The following MYO3A variants were observed in gnomAD, a reference collection of about 807,000 sequenced individuals.
MYO3A encodes the protein myosin-IIIa.
Under a neutral mutation model 192.7 loss-of-function variants are expected in MYO3A, and 180 were observed. That is an observed-to-expected ratio of 0.93 (90% CI 0.83 to 1.06). The LOEUF (loss-of-function observed/expected upper bound fraction) is 1.06, where lower values mean the gene tolerates loss of function less well. MYO3A is among the 50% of genes least tolerant of loss of function. MYO3A has a pLI of 0.00. For synonymous variants in MYO3A, 628 were observed against 645.3 expected (o/e 0.97, Z 0.41); for missense variants, 1,896 against 1,905.0 (o/e 1.00, Z 0.09).
chr10:26,075,918 T>A (rs1164968206), intron 14 of MYO3A, among the ~76,000 whole-genome samples: 3 of 151,628 alleles, frequency 2.0e-5, no homozygotes, highest in Admixed American at 2.0e-4. Context: ...TTGGGTTGGT[T>A]CCATGATTTT....
intron 10 of MYO3A, among the ~76,000 whole-genome samples, chr10:26,042,213 A>AT (rs1270513902): frequency 6.6e-6 from 1 of 152,042 alleles, no homozygotes; most frequent in African/African-American, 2.4e-5. Context: ...CTTTTATGTA[A>AT]TTTACTTCTT....
At chr10:26,049,052 A>G (rs935092900) in intron 10 of MYO3A, among the ~76,000 whole-genome samples, 10 of 152,214 alleles carry the variant, frequency 6.6e-5, no homozygotes, top group African/African-American at 2.4e-4. Flanking sequence ...TTTTGGAGAG[A>G]ATAGTCAACT....
intron 17 of MYO3A, among the ~76,000 whole-genome samples, chr10:26,102,414 T>C (rs1837514886): frequency 6.6e-6 from 1 of 152,220 alleles, no homozygotes; most frequent in Admixed American, 6.5e-5. Context: ...TCAAAGTGAT[T>C]CTCCGTCCAG....
chr10:25,991,018 G>A (rs1839994127), intron 4 of MYO3A, among the ~76,000 whole-genome samples: 2 of 152,148 alleles, frequency 1.3e-5, no homozygotes, highest in African/African-American at 2.4e-5. Context: ...AATCCTTTGT[G>A]TATATACCCA....
chr10:26,182,829 A>AT (rs1482995806), intron 31 of MYO3A, among the ~76,000 whole-genome samples: 4 of 152,220 alleles, frequency 2.6e-5, no homozygotes, highest in African/African-American at 9.6e-5. Context: ...AGTGTTCCGC[A>AT]TAACAGCTCA....
chr10:26,041,674 A>G (rs183748012), intron 10 of MYO3A, among the ~76,000 whole-genome samples: 91 of 148,498 alleles, frequency 6.1e-4, no homozygotes, highest in Admixed American at 3.0e-3. Flanking sequence ...CAACTTAACA[A>G]TGTTTGCATA....
chr10:26,188,774 G>A (rs1321808761), intron 31 of MYO3A, among the ~76,000 whole-genome samples: 1 of 152,102 alleles, frequency 6.6e-6, no homozygotes, highest in Admixed American at 6.6e-5. Context: ...TTTTTGTCAG[G>A]TTTGTCAAAG....
At chr10:25,947,396 T>C (rs866095593) in intron 2 of MYO3A, among the ~76,000 whole-genome samples, 10 of 145,276 alleles carry the variant, frequency 6.9e-5, no homozygotes, top group South Asian at 2.2e-4. Flanking sequence ...TTTCTTTTTT[T>C]TTTTTTTTTT....
At chr10:26,000,263 G>A (rs1242133155) in intron 6 of MYO3A, among the ~76,000 whole-genome samples, 3 of 152,102 alleles carry the variant, frequency 2.0e-5, no homozygotes, top group African/African-American at 7.2e-5. Flanking sequence ...TACCTTAAAT[G>A]TGCCATAATC....
intron 18 of MYO3A, among the ~76,000 whole-genome samples, chr10:26,123,278 G>A (rs1838987891): frequency 6.6e-6 from 1 of 152,036 alleles, no homozygotes; most frequent in Non-Finnish European, 1.5e-5. Flanking sequence ...TAAAATTGCA[G>A]TACAAATGAA....
intron 26 of MYO3A, among the ~76,000 whole-genome samples, chr10:26,160,577 C>T (rs1294758609): frequency 1.3e-5 from 2 of 151,750 alleles, no homozygotes; most frequent in Non-Finnish European, 2.9e-5. Flanking sequence ...CCCAGGAGTT[C>T]AAGGTTACAG....
chr10:25,945,364 G>A (rs368449181), intron 2 of MYO3A, among the ~76,000 whole-genome samples: 7 of 152,196 alleles, frequency 4.6e-5, no homozygotes, highest in African/African-American at 1.4e-4. Context: ...GCAGCATTCT[G>A]TATATGTCTG....
At chr10:26,007,827 A>G (rs1011998251) in intron 6 of MYO3A, among the ~76,000 whole-genome samples, 1 of 151,766 alleles carries the variant, frequency 6.6e-6, no homozygotes, top group African/African-American at 2.4e-5. Flanking sequence ...TTATAGATTC[A>G]TTGCCATCCC....
Position 26,021,528 on chromosome 10 carries a change from A to T in MYO3A, c.611A>T (p.Asp204Val), listed in dbSNP as rs1842302777. The change falls in exon 8 of 35, where the codon GAT (aspartate) becomes GTT (valine). Residue 204 changes from aspartate (D) to valine (V), a missense_variant. Coordinates refer to ENST00000642920, the MANE Select transcript of MYO3A (RefSeq NM_017433.5). ...PEVIACEQQL[D>V]TTYDARCDTW... ...GTGATTGCATGTGAACAGCAATTGG[A>T]TACCACTTATGACGCCAGATGTGAC... 6.2e-7 allele frequency: 1 copy of T among 1,614,022 alleles called. No homozygotes were observed. Among genetic ancestry groups the T allele is most frequent in the Admixed American group, 1.7e-5 (1 of 60,008 alleles).
At position 25,954,945 on chromosome 10, in the gene MYO3A, A is replaced by G; in HGVS notation, c.240A>G (p.Arg80=). 6.2e-7 allele frequency: 1 copy of G among 1,612,816 alleles called. No individual in the cohort carries two copies. Among genetic ancestry groups the G allele is most frequent in the Non-Finnish European group, 8.5e-7 (1 of 1,179,048 alleles). ...KALSDHPNVV[R]FYGIYFKKDK... ...TTTCTGACCACCCTAATGTGGTCAG[A>G]TTCTATGGGATATACTTTAAGAAGG... is the stretch of plus-strand genomic sequence containing the variant. Residue 80 remains arginine, a synonymous_variant, in exon 4 of 35, where the codon AGA becomes AGG. Coordinates refer to ENST00000642920, the MANE Select transcript of MYO3A (RefSeq NM_017433.5).
intron 4 of MYO3A, among the ~76,000 whole-genome samples, chr10:25,992,137 TAC>T (rs768478385): frequency 0.043 from 6,557 of 150,888 alleles, 180 homozygotes; most frequent in Middle Eastern, 0.068. Context: ...TGATTCTTCC[TAC>T]CCATGAGCAT....
At chr10:26,140,595 G>C (rs769678085) in intron 20 of MYO3A, among the ~76,000 whole-genome samples, 2 of 151,012 alleles carry the variant, frequency 1.3e-5, no homozygotes, top group Non-Finnish European at 2.9e-5. Flanking sequence ...GAAGCAGGTA[G>C]AATTACTCGA....
At chr10:26,174,598 G>A (rs1842224500) in intron 30 of MYO3A, 41 bp downstream of exon 30, 3 of 1,521,824 alleles carry the variant, frequency 2.0e-6, no homozygotes, top group Non-Finnish European at 9.1e-7. Flanking sequence ...AAAAGTCCCT[G>A]GGAACTATAC....
chr10:26,190,027 C>T (rs184194868), intron 31 of MYO3A, among the ~76,000 whole-genome samples: 1 of 152,166 alleles, frequency 6.6e-6, no homozygotes, highest in East Asian at 1.9e-4. Flanking sequence ...TGCACCATTG[C>T]ACTCCAGCCT....
Sources: allele counts gnomAD v4.1 joint callset (sites outside exome capture counted in the v4.1 genomes callset), GRCh38; gene constraint gnomAD v4.1.1; transcripts MANE v1.5; gene names NCBI Gene and HGNC (gene_info 2026-07-23, HGNC 2026-07-21).